The following SPIB variants were observed in gnomAD, a reference collection of about 807,000 sequenced individuals.
The protein encoded by SPIB is transcription factor Spi-B.
Under a neutral mutation model 31.9 loss-of-function variants are expected in SPIB, and 7 were observed. The ratio of observed to expected loss-of-function variants is 0.22; its 90% CI spans 0.12 to 0.41. The LOEUF is 0.41. Among genes scored for constraint, SPIB ranks in the 10% least tolerant of loss-of-function variants. The pLI, the probability that SPIB is intolerant of heterozygous loss-of-function variation, is 1.00. For missense variants in SPIB, 327 were observed against 360.2 expected (o/e 0.91, Z 0.75); for synonymous variants, 176 against 158.9 (o/e 1.11, Z -0.81).
In SPIB at chr19:50,428,021, CCCCGA is replaced by C; in HGVS notation, c.491-13_491-9del. The stretch of plus-strand genomic sequence containing the variant: ...TAGGGACCCCTCACCTAACGCGTGC[CCCCGA>C]CCCCACCGCAGGGACTCGCAAGAAG... On this transcript the variant is annotated splice_polypyrimidine_tract_variant and intron_variant, in intron 5 of 5. Coordinates refer to ENST00000595883, the MANE Select transcript of SPIB (RefSeq NM_003121.5). The surrounding 1 kb of genome is among the most constrained non-coding windows in gnomAD (Gnocchi z 6.5). The C allele has an allele frequency of 6.7e-7, 1 of 1,494,426 alleles. No individual in the cohort carries two copies. Among genetic ancestry groups the C allele is most frequent in the Non-Finnish European group, 9.0e-7 (1 of 1,114,796 alleles). The allele number at this position is 1,494,426 out of a possible 1,614,324, so 92.6% of individuals were successfully genotyped here. A position where few individuals can be genotyped will look rare whatever the true frequency, so the allele number is the denominator to read the frequency against.
In SPIB at chr19:50,422,453, C is replaced by T. The variant is rs537347677; in HGVS notation, c.52-20C>T. On this transcript the variant is annotated intron_variant, in intron 2 of 5. Coordinates refer to ENST00000595883, the MANE Select transcript of SPIB (RefSeq NM_003121.5). ...CCAAGGCCTGGGATGACCCCTCTTC[C>T]CTCCTGCACCCCGTATCAGTACCCA... The T allele has an allele frequency of 6.2e-7, 1 of 1,612,320 alleles. No homozygotes were observed.
rs2039591683 is a variant in SPIB, at chr19:50,428,040, A to C, written c.493A>C (p.Thr165Pro). 1 of 1,518,576 alleles carries C rather than the reference A, an allele frequency of 6.6e-7. No homozygotes were observed. The highest frequency in any genetic ancestry group is 1.4e-5 in the African/African-American group (1 of 72,768). The allele number at this position is 1,518,576 out of a possible 1,614,324, so 94.1% of individuals were successfully genotyped here. A position where few individuals can be genotyped will look rare whatever the true frequency, so the allele number is the denominator to read the frequency against. ...GPEGKGSEAG[T>P]RKKLRLYQFL... The stretch of plus-strand genomic sequence containing the variant: ...GCGTGCCCCCGACCCCACCGCAGGG[A>C]CTCGCAAGAAGCTGCGCCTGTACCA... The change falls in exon 6 of 6, where the codon ACT becomes CCT. Residue 165 changes from threonine (T) to proline (P), a missense_variant and splice_region_variant. Thr to Pro is a conservative substitution (Grantham distance 38, BLOSUM62 -1). Transcript: ENST00000595883. This position sits in a 1 kb window ranked among gnomAD's most constrained non-coding sequence, Gnocchi z 6.5.
At position 50,427,611 on chromosome 19, in the gene SPIB, A is replaced by G. The variant is rs942950956; in HGVS notation, c.491-427A>G. On this transcript the variant is annotated intron_variant, in intron 5 of 5. Transcript: ENST00000595883. ...TCCCGCTTTGGGCTGAGAGGCTGGG[A>G]GACCAGGAGCTGGAGAGATAGCCAG... Among the ~76,000 whole-genome samples, 7 of 152,226 alleles carry G rather than the reference A, an allele frequency of 4.6e-5. No individual in the cohort carries two copies. In the East Asian group the frequency reaches 1.3e-3, roughly 29 times the overall value.
At chr19:50,427,691 G>T (rs1042768606) in intron 5 of SPIB, among the ~76,000 whole-genome samples, 1 of 152,260 alleles carries the variant, frequency 6.6e-6, no homozygotes, top group Non-Finnish European at 1.5e-5. Flanking sequence ...CCTTTAAGCG[G>T]CGCTGTCAAC....
intron 1 of SPIB, among the ~76,000 whole-genome samples, chr19:50,419,737 G>T (rs1315515786): frequency 6.6e-5 from 10 of 152,202 alleles, no homozygotes; most frequent in Admixed American, 6.5e-4. Context: ...AAATTCTGGG[G>T]AGGAGGGGGA....
rs766811424 is a variant in SPIB, at chr19:50,423,594, A to G, written c.340-11A>G. ...GTCCCTGGACATGCAGGTGACCCTG[A>G]CCTTCCGCAGACCCTGGTTCCCCCG... is the stretch of plus-strand genomic sequence containing the variant. On this transcript the variant is annotated splice_polypyrimidine_tract_variant and intron_variant, in intron 4 of 5. Transcript: ENST00000595883. 6.2e-7 allele frequency: 1 copy of G among 1,612,446 alleles called. No homozygotes were observed.
In SPIB at chr19:50,427,965, C is replaced by T. The variant is rs137904842; in HGVS notation, c.491-73C>T. ...GAGATGGAGGCCGGGGTGGAAGTCTCGGAGGAGGGTGGATGGGGAAGGCGG... is the reference window on the plus strand; with the variant it reads ...GAGATGGAGGCCGGGGTGGAAGTCTTGGAGGAGGGTGGATGGGGAAGGCGG... On this transcript the variant is annotated intron_variant, in intron 5 of 5. Coordinates refer to ENST00000595883, the MANE Select transcript of SPIB (RefSeq NM_003121.5). 3.9e-3 allele frequency: 5,542 copies of T among 1,420,164 alleles called. 14 individuals are homozygous for T. Among genetic ancestry groups the T allele is most frequent in the Non-Finnish European group, 4.6e-3 (5,005 of 1,081,702 alleles). 88.0% of individuals were successfully genotyped at this position (1,420,164 alleles called of 1,614,324 possible). A position where few individuals can be genotyped will look rare whatever the true frequency, so the allele number is the denominator to read the frequency against.
Position 50,431,312 on chromosome 19 carries a change from G to T in SPIB, c.*2976G>T. 1 of 152,414 alleles carries T rather than the reference G, an allele frequency of 6.6e-6. No individual in the cohort carries two copies. 9.4% of individuals were successfully genotyped at this position (152,414 alleles called of 1,614,324 possible). A position where few individuals can be genotyped will look rare whatever the true frequency, so the allele number is the denominator to read the frequency against. ...CTACAAAAAAAATAAAAAATTAGCGGGGTGTGGTGGCGTATGCCTGTAATT... is the reference window on the plus strand; with the variant it reads ...CTACAAAAAAAATAAAAAATTAGCGTGGTGTGGTGGCGTATGCCTGTAATT... On this transcript the variant is annotated 3_prime_UTR_variant, in exon 6 of 6. Transcript: ENST00000595883.
In SPIB at chr19:50,423,006, CT is replaced by C; in HGVS notation, c.309del (p.Ala104HisfsTer76). 2 of 1,529,752 alleles carry C rather than the reference CT, an allele frequency of 1.3e-6. No individual in the cohort carries two copies. Among genetic ancestry groups the C allele is most frequent in the Non-Finnish European group, 1.8e-6 (2 of 1,133,132 alleles). 94.8% of individuals were successfully genotyped at this position (1,529,752 alleles called of 1,614,324 possible). On this transcript the variant is annotated frameshift_variant, in exon 4 of 6. Transcript: ENST00000595883. LOFTEE classifies it high-confidence loss of function. ...PSLEAPGPGL[P>X]AYPTENFASQ... ...CTGGAGGCCCCGGGGCCTGGCCTCCCTGCATACCCCACGGAGAACTTCGCTA... is the reference window on the plus strand; with the variant it reads ...CTGGAGGCCCCGGGGCCTGGCCTCCCGCATACCCCACGGAGAACTTCGCTA...
At chr19:50,427,361 C>T (rs2039577815) in intron 5 of SPIB, among the ~76,000 whole-genome samples, 1 of 152,146 alleles carries the variant, frequency 6.6e-6, no homozygotes, top group African/African-American at 2.4e-5. Context: ...CCCGTCTCTA[C>T]TAAAAATATA....
chr19:50,419,089 G>A, intron 1 of SPIB, 104 bp downstream of exon 1: 1 of 1,413,622 alleles, frequency 7.1e-7, no homozygotes, highest in South Asian at 1.2e-5. Flanking sequence ...ACGGCCGGTG[G>A]GTGGGAGTGG....
chr19:50,422,841 C>T lies in SPIB; in HGVS notation c.143C>T (p.Thr48Ile), dbSNP rs1219829054. ...CCCCCAGACTCCCTGTGGGACTGGACTGTGGCCCCACCTGTCCCAGCCACC... is the reference window on the plus strand; with the variant it reads ...CCCCCAGACTCCCTGTGGGACTGGATTGTGGCCCCACCTGTCCCAGCCACC... ...EGAPDSLWDW[T>I]VAPPVPATPY... The change falls in exon 4 of 6, where the codon ACT (threonine) becomes ATT (isoleucine). Residue 48 changes from threonine to isoleucine, a missense_variant. By Grantham distance (89) the Thr-to-Ile change is moderately conservative. Around this residue, in one of 4 missense-constraint regions of SPIB, gnomAD observed 238 missense variants for 228.8 expected, o/e 1.04. Coordinates refer to ENST00000595883, the MANE Select transcript of SPIB (RefSeq NM_003121.5). 6.3e-7 allele frequency: 1 copy of T among 1,588,076 alleles called. No homozygotes were observed. The highest frequency in any genetic ancestry group is 1.1e-5 in the South Asian group (1 of 87,790).
intron 5 of SPIB, among the ~76,000 whole-genome samples, chr19:50,426,618 C>G (rs2122555147): frequency 6.6e-6 from 1 of 152,196 alleles, no homozygotes; most frequent in African/African-American, 2.4e-5. Flanking sequence ...CTCAGCCTCC[C>G]AAGTAGCTGG....
intron 1 of SPIB, 28 bp downstream of exon 1, chr19:50,419,013 C>T (rs777412692): frequency 1.4e-5 from 22 of 1,550,594 alleles, no homozygotes; most frequent in South Asian, 5.9e-5. Context: ...AACCTGCACC[C>T]GGGGTCCCCA....
intron 2 of SPIB, 24 bp from the exon 3 acceptor site, chr19:50,422,449 C>T: frequency 6.2e-7 from 1 of 1,612,114 alleles, no homozygotes; most frequent in Non-Finnish European, 8.5e-7. Flanking sequence ...GATGACCCCT[C>T]TTCCCTCCTG....
At chr19:50,422,662 T>A in intron 3 of SPIB, 117 bp downstream of exon 3, 1 of 1,210,934 alleles carries the variant, frequency 8.3e-7, no homozygotes, top group Non-Finnish European at 1.2e-6. Context: ...CCCGGGCCTA[T>A]AGCCCTCCTC....
At position 50,428,462 on chromosome 19, in the gene SPIB, G is replaced by A; in HGVS notation, c.*126G>A. ...GACTTACGCATCCCCACCTTTTGGG[G>A]TAAGGGGAGTGCTGCCCTGCCATAA... On this transcript the variant is annotated 3_prime_UTR_variant, in exon 6 of 6. Coordinates refer to ENST00000595883, the MANE Select transcript of SPIB (RefSeq NM_003121.5). This position sits in a 1 kb window ranked among gnomAD's most constrained non-coding sequence, Gnocchi z 6.5. 1 of 1,109,102 alleles carries A rather than the reference G, an allele frequency of 9.0e-7. No individual in the cohort carries two copies. The highest frequency in any genetic ancestry group is 1.2e-6 in the Non-Finnish European group (1 of 804,274). The allele number at this position is 1,109,102 out of a possible 1,614,324, so 68.7% of individuals were successfully genotyped here.
chr19:50,420,842 G>A (rs1002308329), intron 2 of SPIB, among the ~76,000 whole-genome samples: 1 of 152,138 alleles, frequency 6.6e-6, no homozygotes, highest in African/African-American at 2.4e-5. Context: ...TATCCGGGCT[G>A]GTTTCAAACT....
rs1453146326 is a variant in SPIB at position 50,430,977 on chromosome 19, G to T, written c.*2641G>T. 1 of 152,204 alleles carries T rather than the reference G, an allele frequency of 6.6e-6. No homozygotes were observed. The highest frequency in any genetic ancestry group is 1.5e-5 in the Non-Finnish European group (1 of 68,044). The allele number at this position is 152,204 out of a possible 1,614,324, so 9.4% of individuals were successfully genotyped here. On this transcript the variant is annotated 3_prime_UTR_variant, in exon 6 of 6. Transcript: ENST00000595883. ...CGTCCTCCCCAGGGCCCCCTGCAAC[G>T]GGGAAGGTACTTTTTACAAAAGCTA...
Sources: gnomAD v4.1 joint callset for allele counts (sites outside exome capture counted in the v4.1 genomes callset) on GRCh38, gnomAD v4.1.1 for gene constraint, gnomAD v4.1.1 regional missense constraint, Gnocchi (gnomAD v3.1) non-coding constraint, MANE v1.5 for transcripts, NCBI Gene and HGNC (gene_info 2026-07-23, HGNC 2026-07-21) for gene names.